The following SLC14A2 variants were observed in gnomAD, a reference collection of about 807,000 sequenced individuals.
SLC14A2 encodes solute carrier family 14 member 2, also known as urea transporter 2.
A neutral mutation model predicts 104.6 loss-of-function variants in SLC14A2; 91 were observed. The observed-to-expected ratio is 0.87, with a 90% CI of 0.73 to 1.04. The LOEUF (loss-of-function observed/expected upper bound fraction) is 1.04, where lower values mean the gene tolerates loss of function less well. SLC14A2 is among the 50% of genes least tolerant of loss of function. SLC14A2 has a pLI of 0.00. For synonymous variants in SLC14A2, 476 were observed against 466.4 expected (o/e 1.02, Z -0.27); for missense variants, 1,189 against 1,156.0 (o/e 1.03, Z -0.41).
At chr18:45,540,767 T>C (rs1469121090) in intron 2 of SLC14A2, among the ~76,000 whole-genome samples, 1 of 151,972 alleles carries the variant, frequency 6.6e-6, no homozygotes, top group African/African-American at 2.4e-5. Flanking sequence ...ATAATAATAA[T>C]AATCTGCCAG....
chr18:45,376,815 A>G (rs1276171789), intron 1 of SLC14A2, among the ~76,000 whole-genome samples: 1 of 152,166 alleles, frequency 6.6e-6, no homozygotes, highest in Non-Finnish European at 1.5e-5. Context: ...TTGATTTCTG[A>G]TGGTTGATTC....
chr18:45,192,970 C>A, the SLC14A2 span, among the ~76,000 whole-genome samples: 2 of 152,064 alleles, frequency 1.3e-5, no homozygotes, highest in African/African-American at 4.8e-5. Context: ...GTAGTGGTAT[C>A]TTATTATGGC....
Position 45,626,952 on chromosome 18 carries a change from T to C in SLC14A2, c.332-6T>C. Reference sequence around the variant, plus strand: ...CTGCTGATGGCTCGCTCTCTGTCTCTTTCAGACAAGCACCTTGCCCTCCAG... The same window carrying C: ...CTGCTGATGGCTCGCTCTCTGTCTCCTTCAGACAAGCACCTTGCCCTCCAG... On this transcript the variant is annotated splice_region_variant and splice_polypyrimidine_tract_variant and intron_variant, in intron 3 of 19. Coordinates refer to ENST00000255226, the MANE Select transcript of SLC14A2 (RefSeq NM_007163.4). 6.2e-7 allele frequency: 1 copy of C among 1,607,338 alleles called. No individual in the cohort carries two copies.
At chr18:45,415,402 A>C (rs1322399836) in intron 1 of SLC14A2, among the ~76,000 whole-genome samples, 1 of 152,130 alleles carries the variant, frequency 6.6e-6, no homozygotes, top group African/African-American at 2.4e-5. Flanking sequence ...TTGATGACAT[A>C]ATGAATTTCC....
At chr18:45,281,738 C>G (rs1311960215) in intron 1 of SLC14A2, among the ~76,000 whole-genome samples, 2 of 152,146 alleles carry the variant, frequency 1.3e-5, no homozygotes, top group East Asian at 3.9e-4. Flanking sequence ...AGTCATCCTG[C>G]CTGGGTCAGG....
chr18:45,666,830 T>C (rs1179219886), intron 12 of SLC14A2, 105 bp from the exon 13 acceptor site: 14 of 942,638 alleles, frequency 1.5e-5, no homozygotes, highest in Non-Finnish European at 2.3e-5. Context: ...TTTAATGAAA[T>C]ACCAAATGAC....
chr18:45,506,264 CCTT>C (rs1157883170), intron 2 of SLC14A2, among the ~76,000 whole-genome samples: 1 of 152,170 alleles, frequency 6.6e-6, no homozygotes, highest in African/African-American at 2.4e-5. Flanking sequence ...GAAAACCCAA[CCTT>C]CTTCTCCCCA....
At chr18:45,439,377 C>T (rs775395197) in intron 1 of SLC14A2, among the ~76,000 whole-genome samples, 1 of 152,170 alleles carries the variant, frequency 6.6e-6, no homozygotes, top group Non-Finnish European at 1.5e-5. Context: ...TTAGCTAAGG[C>T]ATTTGGCTCT....
intron 2 of SLC14A2, among the ~76,000 whole-genome samples, chr18:45,539,760 G>A (rs528188675): frequency 1.2e-4 from 18 of 152,146 alleles, no homozygotes; most frequent in East Asian, 3.9e-4. Flanking sequence ...GGAATTAGAC[G>A]GCCTGTGTTG....
At chr18:45,264,956 T>C (rs1229462746) in intron 1 of SLC14A2, among the ~76,000 whole-genome samples, 1 of 152,116 alleles carries the variant, frequency 6.6e-6, no homozygotes, top group East Asian at 1.9e-4. Context: ...AATTTCACTT[T>C]AAGAGGGACA....
intron 1 of SLC14A2, among the ~76,000 whole-genome samples, chr18:45,255,194 C>T (rs922658401): frequency 2.0e-5 from 3 of 152,144 alleles, no homozygotes; most frequent in African/African-American, 7.2e-5. Flanking sequence ...CATTTATATC[C>T]ACCCAGACTT....
chr18:45,319,510 C>G lies in SLC14A2; in HGVS notation c.-125+106319C>G, dbSNP rs145031227. On this transcript the variant is annotated intron_variant, in intron 1 of 20. Coordinates refer to the SLC14A2 transcript ENST00000586448. ...TGTCTGTGTATTTGTGTGCACCATCCAGTAGGCCAGAGCACCAGGAGAACT... is the reference window on the plus strand; with the variant it reads ...TGTCTGTGTATTTGTGTGCACCATCGAGTAGGCCAGAGCACCAGGAGAACT... Among the ~76,000 whole-genome samples, 396 of 152,328 alleles carry G rather than the reference C, an allele frequency of 2.6e-3. 2 individuals are homozygous for G. Among genetic ancestry groups the G allele is most frequent in the African/African-American group, 8.6e-3 (358 of 41,578 alleles).
intron 2 of SLC14A2, among the ~76,000 whole-genome samples, chr18:45,494,704 G>A (rs977112463): frequency 1.3e-5 from 2 of 151,898 alleles, no homozygotes; most frequent in African/African-American, 4.8e-5. Flanking sequence ...TGCCCGGCCT[G>A]GTAGTCATCT....
intron 1 of SLC14A2, among the ~76,000 whole-genome samples, chr18:45,442,916 G>A (rs1197099620): frequency 2.6e-5 from 4 of 152,200 alleles, no homozygotes; most frequent in Non-Finnish European, 5.9e-5. Context: ...GTCTGTGCAT[G>A]GGGATTGGCA....
intron 1 of SLC14A2, among the ~76,000 whole-genome samples, chr18:45,336,847 C>T (rs994698803): frequency 6.6e-6 from 1 of 152,162 alleles, no homozygotes. Flanking sequence ...CATGGAGGCT[C>T]AAGGTCTATT....
At chr18:45,496,686 G>A (rs1380808490) in intron 2 of SLC14A2, among the ~76,000 whole-genome samples, 1 of 152,198 alleles carries the variant, frequency 6.6e-6, no homozygotes, top group Non-Finnish European at 1.5e-5. Flanking sequence ...CAGAGGCTGA[G>A]GCAGGAGAAC....
At chr18:45,273,460 G>T (rs2084671349) in intron 1 of SLC14A2, among the ~76,000 whole-genome samples, 1 of 152,050 alleles carries the variant, frequency 6.6e-6, no homozygotes, top group Non-Finnish European at 1.5e-5. Context: ...CCTTTAAATG[G>T]GTAGGTAAGA....
At chr18:45,433,774 G>A (rs926795492) in intron 1 of SLC14A2, among the ~76,000 whole-genome samples, 1 of 152,202 alleles carries the variant, frequency 6.6e-6, no homozygotes, top group African/African-American at 2.4e-5. Context: ...CATTATTGAT[G>A]AGACCAAGGC....
chr18:45,274,514 C>T (rs1425020574), intron 1 of SLC14A2, among the ~76,000 whole-genome samples: 1 of 152,156 alleles, frequency 6.6e-6, no homozygotes, highest in Non-Finnish European at 1.5e-5. Flanking sequence ...TTCCAAATCT[C>T]TGATTACTCC....
Sources: gnomAD v4.1 joint callset for allele counts (sites outside exome capture counted in the v4.1 genomes callset) on GRCh38, gnomAD v4.1.1 for gene constraint, MANE v1.5 for transcripts, NCBI Gene and HGNC (gene_info 2026-07-23, HGNC 2026-07-21) for gene names.